ANAPC15: variants seen among roughly 807,000 people sequenced by gnomAD.
ANAPC15 encodes the protein anaphase promoting complex subunit 15.
A neutral mutation model predicts 19.8 loss-of-function variants in ANAPC15; 13 were observed. The observed-to-expected ratio is 0.66, with a 90% CI of 0.43 to 1.04. The LOEUF is 1.04. Among genes scored for constraint, ANAPC15 ranks in the 50% least tolerant of loss-of-function variants. The pLI is 0.00. For missense variants in ANAPC15, 88 were observed against 150.3 expected, an observed-to-expected ratio of 0.59 and a Z score of 2.17; for synonymous variants, 45 against 50.7, an observed-to-expected ratio of 0.89 and a Z score of 0.47.
In ANAPC15 at chr11:72,112,645, C is replaced by T. The variant is rs1284297202; in HGVS notation, c.-96+5G>A. ...AGACGGTTGCAGCCTTGCGTCTGTA[C>T]TTACCGCGCCGGGAGGCTGCTGCCG... On this transcript the variant is annotated splice_donor_5th_base_variant and intron_variant, in intron 1 of 5. Coordinates refer to ENST00000227618, the MANE Select transcript of ANAPC15 (RefSeq NM_014042.3). 5 of 456,612 alleles carry T rather than the reference C, an allele frequency of 1.1e-5. No homozygotes were observed. Among genetic ancestry groups the T allele is most frequent in the Non-Finnish European group, 2.2e-5 (5 of 226,936 alleles). The allele number at this position is 456,612 out of a possible 1,614,324, so 28.3% of individuals were successfully genotyped here. A position where few individuals can be genotyped will look rare whatever the true frequency, so the allele number is the denominator to read the frequency against.
Position 72,111,271 on chromosome 11 carries a change from G to A in ANAPC15, c.6C>T (p.Ser2=). ...GAGGGAAGAGTGAGGGGAACAAAGT[G>A]GACATGGCTCCTAGACTGAGGGAAA... M[S]TLFPSLFPRV... Residue 2 remains serine, a synonymous_variant, in exon 3 of 6, where the codon TCC becomes TCT. Transcript: ENST00000227618. The A allele has an allele frequency of 1.9e-6, 3 of 1,612,304 alleles. No homozygotes were observed. Among genetic ancestry groups the A allele is most frequent in the Non-Finnish European group, 2.5e-6 (3 of 1,178,402 alleles).
chr11:72,107,736 G>T, downstream of ANAPC15: 1 of 634,998 alleles, frequency 1.6e-6, no homozygotes, highest in East Asian at 2.7e-5. Flanking sequence ...AAGATTCCAG[G>T]GCTGGTGTGA....
At chr11:72,109,526 A>T (rs116397624), downstream of ANAPC15, 14 of 402,330 alleles carry the variant, frequency 3.5e-5, no homozygotes, top group African/African-American at 2.7e-4. Flanking sequence ...CTCTTCCTAA[A>T]GCCCAAAAGA....
At chr11:72,107,884 A>C, downstream of ANAPC15, 2 of 1,550,008 alleles carry the variant, frequency 1.3e-6, no homozygotes, top group Non-Finnish European at 1.7e-6. Flanking sequence ...CCCTGCATCC[A>C]TCTCCCATGT....
At chr11:72,109,534 A>G, downstream of ANAPC15, 1 of 412,994 alleles carries the variant, frequency 2.4e-6, no homozygotes, top group Admixed American at 3.6e-5. Context: ...AAAGCCCAAA[A>G]GAAGATGCTG....
At chr11:72,108,798 C>T (rs1484075343), downstream of ANAPC15, 31 of 1,550,424 alleles carry the variant, frequency 2.0e-5, no homozygotes, top group Middle Eastern at 1.7e-4. Flanking sequence ...TTCCCTGGTG[C>T]ACCCCGCTTC....
chr11:72,110,893 T>C (rs1946673300), intron 3 of ANAPC15: 1 of 574,740 alleles, frequency 1.7e-6, no homozygotes, highest in Non-Finnish European at 3.1e-6. Context: ...TAGTCAAAAT[T>C]ATTTCCTGTG....
At chr11:72,111,517 C>T in intron 1 of ANAPC15, 21 bp from the exon 2 acceptor site, 1 of 405,250 alleles carries the variant, frequency 2.5e-6, no homozygotes. Context: ...GGGATAATAA[C>T]AATTATACCA....
downstream of ANAPC15, chr11:72,109,260 A>C: frequency 1.3e-5 from 6 of 449,856 alleles, no homozygotes; most frequent in African/African-American, 2.0e-5. Context: ...CTCTCTTAAC[A>C]CGAAGGAAGC....
In ANAPC15 at chr11:72,110,028, T is replaced by C. The variant is rs753742929; in HGVS notation, c.318+60A>G. The C allele has an allele frequency of 2.4e-5, 39 of 1,613,858 alleles. 2 individuals carry two copies. In the South Asian group the frequency reaches 4.2e-4, roughly 17 times the overall value. On this transcript the variant is annotated intron_variant, in intron 5 of 5. Coordinates refer to ENST00000227618, the MANE Select transcript of ANAPC15 (RefSeq NM_014042.3). Reference sequence around the variant, plus strand: ...CCAGGGTTTCTGTACCCCTTGGCCATCAACTGGGTCAGGAGCAAGGGTCCA... The same window carrying C: ...CCAGGGTTTCTGTACCCCTTGGCCACCAACTGGGTCAGGAGCAAGGGTCCA...
downstream of ANAPC15, chr11:72,107,688 C>T (rs1591191178): frequency 4.9e-6 from 3 of 616,992 alleles, no homozygotes; most frequent in African/African-American, 3.7e-5. Flanking sequence ...GCCTTCAGCT[C>T]ACAGGAGCCA....
downstream of ANAPC15, chr11:72,109,074 C>A: frequency 3.0e-6 from 2 of 674,940 alleles, no homozygotes; most frequent in Non-Finnish European, 4.9e-6. Context: ...CCTCTTTCAG[C>A]CTCTACACTG....
chr11:72,112,498 T>G, intron 1 of ANAPC15, 152 bp downstream of exon 1: 1 of 318,814 alleles, frequency 3.1e-6, no homozygotes, highest in Non-Finnish European at 6.4e-6. Context: ...GGGCTTAGTC[T>G]CGAGGAAGCG....
At chr11:72,108,737 G>A (rs541690359), downstream of ANAPC15, 8 of 1,550,410 alleles carry the variant, frequency 5.2e-6, no homozygotes, top group African/African-American at 1.1e-4. Flanking sequence ...GCTGCTGGAG[G>A]CCCATGCCCT....
chr11:72,109,631 C>G lies in ANAPC15; in HGVS notation c.*250G>C. The G allele has an allele frequency of 1.7e-6, 1 of 596,490 alleles. No homozygotes were observed. The highest frequency in any genetic ancestry group is 3.0e-5 in the Admixed American group (1 of 33,716). 36.9% of individuals were successfully genotyped at this position (596,490 alleles called of 1,614,324 possible). On this transcript the variant is annotated 3_prime_UTR_variant, in exon 6 of 6. Transcript: ENST00000227618. The stretch of plus-strand genomic sequence containing the variant: ...CTTTATTAAAGAAACTTAGACCAGA[C>G]CTGGCAATCAAGGGGTGAGGTACTG...
Position 72,112,647 on chromosome 11 carries a change from T to TA in ANAPC15, c.-96+2dup. On this transcript the variant is annotated splice_region_variant and intron_variant, in intron 1 of 5. Transcript: ENST00000227618. ...ACGGTTGCAGCCTTGCGTCTGTACTTACCGCGCCGGGAGGCTGCTGCCGGC... is the reference window on the plus strand; with the variant it reads ...ACGGTTGCAGCCTTGCGTCTGTACTTAACCGCGCCGGGAGGCTGCTGCCGGC... 2.2e-6 allele frequency: 1 copy of TA among 456,572 alleles called. No homozygotes were observed. The highest frequency in any genetic ancestry group is 4.4e-6 in the Non-Finnish European group (1 of 226,932). 28.3% of individuals were successfully genotyped at this position (456,572 alleles called of 1,614,324 possible).
downstream of ANAPC15, chr11:72,109,091 A>G: frequency 1.6e-6 from 1 of 623,994 alleles, no homozygotes; most frequent in Non-Finnish European, 2.7e-6. Context: ...ACTGACCTCA[A>G]GTGTCAAGTT....
chr11:72,111,327 TG>T, intron 2 of ANAPC15, 41 bp from the exon 3 acceptor site: 1 of 1,488,210 alleles, frequency 6.7e-7, no homozygotes. Flanking sequence ...GCTTTGTTTT[TG>T]TTTTTAATTT....
downstream of ANAPC15, chr11:72,107,738 C>CTGGTGTGA (rs2135199740): frequency 3.1e-6 from 2 of 635,586 alleles, no homozygotes; most frequent in East Asian, 2.7e-5. Context: ...GATTCCAGGG[C>CTGGTGTGA]TGGTGTGAAG....
Sources: gnomAD v4.1 joint callset for allele counts on GRCh38, gnomAD v4.1.1 for gene constraint, MANE v1.5 for transcripts, NCBI Gene and HGNC (gene_info 2026-07-23, HGNC 2026-07-21) for gene names.